USP32: variants seen among roughly 807,000 people sequenced by gnomAD.
USP32 encodes ubiquitin carboxyl-terminal hydrolase 32.
In USP32, 59 loss-of-function variants were observed where a neutral mutation model predicts 204.8. That is an observed-to-expected ratio of 0.29 (90% CI 0.23 to 0.36). The LOEUF is 0.36. Ranked by LOEUF, USP32 falls within the 10% of genes least tolerant of loss-of-function variation. USP32 has a pLI of 1.00. For missense variants in USP32, 1,160 were observed against 1,946.4 expected (o/e 0.60, Z 7.60); for synonymous variants, 517 against 678.4 (o/e 0.76, Z 3.70).
chr17:60,254,655 C>T (rs2086249372), intron 10 of USP32, among the ~76,000 whole-genome samples: 1 of 152,086 alleles, frequency 6.6e-6, no homozygotes, highest in Non-Finnish European at 1.5e-5. Context: ...GCCATGCTTG[C>T]ACCACAGCAC....
chr17:60,257,234 T>G lies in USP32; in HGVS notation c.991-1976A>C, dbSNP rs202153265. Among the ~76,000 whole-genome samples the G allele has an allele frequency of 5.9e-5, 9 of 152,154 alleles. No individual in the cohort carries two copies. The East Asian group carries it at 9.7e-4, about 16-fold the overall frequency. On this transcript the variant is annotated intron_variant, in intron 9 of 33. Transcript: ENST00000300896. ...ATTTTATTAAAAAAGCCTTATAGGG[T>G]GGATTCTGGGATTGGCAGATGACTG...
At chr17:60,416,898 T>G (rs927890816) in intron 1 of USP32, among the ~76,000 whole-genome samples, 6 of 151,358 alleles carry the variant, frequency 4.0e-5, no homozygotes, top group African/African-American at 1.5e-4. Flanking sequence ...TGTATTTATA[T>G]ATGTATGTAT....
chr17:60,320,949 T>C (rs2088097951), intron 2 of USP32, among the ~76,000 whole-genome samples: 1 of 152,134 alleles, frequency 6.6e-6, no homozygotes, highest in South Asian at 2.1e-4. Flanking sequence ...CAAATTCTCA[T>C]TGCTTTTTTT....
intron 26 of USP32, among the ~76,000 whole-genome samples, chr17:60,201,612 A>C (rs74196740): frequency 6.6e-5 from 10 of 151,802 alleles, no homozygotes; most frequent in Admixed American, 3.3e-4. Context: ...CACTGATATC[A>C]TAATATTGTT....
chr17:60,212,759 C>CTTT (rs4047749), intron 18 of USP32, among the ~76,000 whole-genome samples: 8 of 144,182 alleles, frequency 5.5e-5, no homozygotes, highest in African/African-American at 1.5e-4. Context: ...TAATTTATTC[C>CTTT]TTTTTTTTTT....
chr17:60,223,430 A>C lies in USP32; in HGVS notation c.1589T>G (p.Val530Gly). The C allele has an allele frequency of 6.2e-7, 1 of 1,611,016 alleles. No individual in the cohort carries two copies. Among genetic ancestry groups the C allele is most frequent in the Non-Finnish European group, 8.5e-7 (1 of 1,179,314 alleles). Residue 530 changes from valine (V) to glycine (G), a missense_variant, in exon 14 of 34, where the codon GTA becomes GGA. Physicochemically the swap from Val to Gly is moderately radical, Grantham distance 109. Coordinates refer to ENST00000300896, the MANE Select transcript of USP32 (RefSeq NM_032582.4). ...KPGAIDNQPL[V>G]TQEPVKATSL... ...ACTTACCTTTACTGGTTCTTGAGTT[A>C]CTAATGGCTGATTATCAATAGCCCC...
chr17:60,368,687 T>C (rs1256517049), intron 1 of USP32, among the ~76,000 whole-genome samples: 1 of 152,206 alleles, frequency 6.6e-6, no homozygotes, highest in Non-Finnish European at 1.5e-5. Context: ...CAGGGGTTTA[T>C]GTTTCTACTG....
chr17:60,207,898 T>C, intron 24 of USP32, 161 bp downstream of exon 24: 2 of 1,278,282 alleles, frequency 1.6e-6, no homozygotes, highest in Non-Finnish European at 2.1e-6. Context: ...CTCTTAAGTT[T>C]CTGGGTTGGA....
intron 1 of USP32, among the ~76,000 whole-genome samples, chr17:60,355,691 C>T (rs1382972092): frequency 1.3e-5 from 2 of 151,614 alleles, no homozygotes; most frequent in Admixed American, 6.6e-5. Flanking sequence ...ACAAAAACTA[C>T]AAAAATTGGT....
At chr17:60,277,477 A>C (rs1216314617) in intron 5 of USP32, among the ~76,000 whole-genome samples, 1 of 152,246 alleles carries the variant, frequency 6.6e-6, no homozygotes, top group African/African-American at 2.4e-5. Context: ...GGAGAGGCAC[A>C]CAGATTTACT....
intron 1 of USP32, among the ~76,000 whole-genome samples, chr17:60,388,289 T>TACACAC (rs35068599): frequency 0.041 from 5,772 of 141,984 alleles, 393 homozygotes; most frequent in African/African-American, 0.14. Context: ...AGCCGATTCT[T>TACACAC]ACACACACAC....
chr17:60,226,059 G>A lies in USP32; in HGVS notation c.1412C>T (p.Ala471Val), dbSNP rs201026362. 53 of 1,604,272 alleles carry A rather than the reference G, an allele frequency of 3.3e-5. No homozygotes were observed. Among genetic ancestry groups the A allele is most frequent in the Non-Finnish European group, 4.2e-5 (50 of 1,176,534 alleles). ...TTTACCGCTGCCAGCAGTTTCTGAG[G>A]CTTCAGATGCAGTAGAAATGTTGTC... is the stretch of plus-strand genomic sequence containing the variant. ...FSDNISTASE[A>V]SETAGSGFLY... Residue 471 changes from alanine to valine, a missense_variant, in exon 13 of 34, where the codon GCC becomes GTC. Physicochemically the swap from Ala to Val is moderately conservative, Grantham distance 64. This residue lies in a region of USP32 where 536 missense variants were observed against 680.9 expected (regional missense o/e 0.79). Coordinates refer to ENST00000300896, the MANE Select transcript of USP32 (RefSeq NM_032582.4).
chr17:60,275,358 G>A (rs938583378), intron 5 of USP32, among the ~76,000 whole-genome samples: 1 of 152,104 alleles, frequency 6.6e-6, no homozygotes, highest in Non-Finnish European at 1.5e-5. Flanking sequence ...TCAGGAGGCT[G>A]AGGCAGAAGA....
chr17:60,298,406 T>C (rs1041896069), intron 3 of USP32, among the ~76,000 whole-genome samples: 1 of 152,174 alleles, frequency 6.6e-6, no homozygotes, highest in African/African-American at 2.4e-5. Flanking sequence ...TTTATAGATA[T>C]CATAATTTTT....
chr17:60,374,329 C>T (rs2089499737), intron 1 of USP32, among the ~76,000 whole-genome samples: 1 of 152,074 alleles, frequency 6.6e-6, no homozygotes, highest in Non-Finnish European at 1.5e-5. Context: ...CTGTCATCTT[C>T]TATGACAATA....
intron 12 of USP32, among the ~76,000 whole-genome samples, chr17:60,228,584 G>C (rs1482048366): frequency 6.7e-6 from 1 of 150,174 alleles, no homozygotes; most frequent in East Asian, 1.9e-4. Context: ...TGGGAGCCAA[G>C]GTGGCTGGAT....
chr17:60,286,954 C>A, intron 5 of USP32, among the ~76,000 whole-genome samples: 1 of 152,090 alleles, frequency 6.6e-6, no homozygotes, highest in East Asian at 1.9e-4. Context: ...TTGAAACCAG[C>A]CTGGCCAACA....
intron 11 of USP32, among the ~76,000 whole-genome samples, chr17:60,237,427 A>AT (rs2085761817): frequency 6.6e-6 from 1 of 150,630 alleles, no homozygotes. Flanking sequence ...AAAACTATTT[A>AT]TTTTTTTGAG....
At chr17:60,414,781 C>T (rs2090047361) in intron 1 of USP32, among the ~76,000 whole-genome samples, 1 of 152,072 alleles carries the variant, frequency 6.6e-6, no homozygotes, top group South Asian at 2.1e-4. Context: ...TGCTCATTTA[C>T]TTCTCCAGGC....
Sources: allele counts gnomAD v4.1 joint callset (sites outside exome capture counted in the v4.1 genomes callset), GRCh38; gene constraint gnomAD v4.1.1; regional missense constraint gnomAD v4.1.1; transcripts MANE v1.5; gene names NCBI Gene and HGNC (gene_info 2026-07-23, HGNC 2026-07-21).